Variants in ANXA13 observed in about 807,000 individuals in gnomAD.
ANXA13 encodes the protein annexin XIII.
In ANXA13, 36 loss-of-function variants were observed where a neutral mutation model predicts 46.6. The ratio of observed to expected loss-of-function variants is 0.77; its 90% CI spans 0.59 to 1.02. ANXA13 has a LOEUF of 1.02. ANXA13 is among the 50% of genes least tolerant of loss of function. The probability of loss-of-function intolerance (pLI) is 0.00; values close to 1 mark genes in which losing one functional copy is unlikely to be tolerated. For synonymous variants in ANXA13, 163 were observed against 152.9 expected, an observed-to-expected ratio of 1.07 and a Z score of -0.49; for missense variants, 417 against 396.5, an observed-to-expected ratio of 1.05 and a Z score of -0.44.
chr8:123,720,708 C>T (rs1408198650), intron 1 of ANXA13, among the ~76,000 whole-genome samples: 1 of 136,214 alleles, frequency 7.3e-6, no homozygotes, highest in Non-Finnish European at 1.6e-5. Flanking sequence ...GAGTTAAGAA[C>T]ATTTAACTTG....
chr8:123,717,790 G>C (rs1487865589), intron 1 of ANXA13, among the ~76,000 whole-genome samples: 2 of 152,154 alleles, frequency 1.3e-5, no homozygotes, highest in African/African-American at 2.4e-5. Context: ...TTTCTGACGG[G>C]GCGTGTCTCA....
At chr8:123,709,428 A>G (rs1379343041) in intron 2 of ANXA13, among the ~76,000 whole-genome samples, 1 of 136,764 alleles carries the variant, frequency 7.3e-6, no homozygotes, top group Non-Finnish European at 1.6e-5. Context: ...CTCTCTCCCT[A>G]TCTTCTTTCT....
chr8:123,716,311 C>A (rs1340488778), intron 1 of ANXA13, among the ~76,000 whole-genome samples: 1 of 152,124 alleles, frequency 6.6e-6, no homozygotes, highest in Non-Finnish European at 1.5e-5. Context: ...TCTCAAACTC[C>A]TGAGCTCAAG....
intron 8 of ANXA13, among the ~76,000 whole-genome samples, chr8:123,691,199 C>T (rs1813234459): frequency 6.6e-6 from 1 of 152,142 alleles, no homozygotes; most frequent in Non-Finnish European, 1.5e-5. Flanking sequence ...CAGGACGACT[C>T]ATGCCACATA....
chr8:123,689,967 G>A (rs1422147472), intron 8 of ANXA13, among the ~76,000 whole-genome samples: 2 of 152,216 alleles, frequency 1.3e-5, no homozygotes, highest in African/African-American at 4.8e-5. Flanking sequence ...GGGAGGAACT[G>A]TGTCCAGATT....
At chr8:123,682,879 T>A (rs1032801033) in intron 10 of ANXA13, among the ~76,000 whole-genome samples, 2 of 152,280 alleles carry the variant, frequency 1.3e-5, no homozygotes, top group African/African-American at 4.8e-5. Flanking sequence ...GATTCTGAGA[T>A]GGGACAGAGC....
At chr8:123,707,509 G>T (rs1258709003) in intron 2 of ANXA13, among the ~76,000 whole-genome samples, 1 of 152,144 alleles carries the variant, frequency 6.6e-6, no homozygotes, top group South Asian at 2.1e-4. Context: ...GGAATACTAT[G>T]CAGCCATAAA....
chr8:123,681,453 A>G (rs867128998), intron 10 of ANXA13, 94 bp from the exon 11 acceptor site: 6 of 1,292,878 alleles, frequency 4.6e-6, no homozygotes, highest in African/African-American at 3.0e-5. Flanking sequence ...TCATTTGCTC[A>G]TTCATGCCTT....
chr8:123,718,559 C>A (rs1339540469), intron 1 of ANXA13, among the ~76,000 whole-genome samples: 2 of 152,202 alleles, frequency 1.3e-5, no homozygotes, highest in Non-Finnish European at 2.9e-5. Flanking sequence ...AAAATGGAAG[C>A]AAGTGCTGTC....
intron 5 of ANXA13, 33 bp from the exon 6 acceptor site, chr8:123,695,614 C>T: frequency 6.2e-7 from 1 of 1,610,502 alleles, no homozygotes; most frequent in African/African-American, 1.3e-5. Flanking sequence ...GGGAAGAAAG[C>T]AGATGATTTA....
intron 1 of ANXA13, among the ~76,000 whole-genome samples, chr8:123,732,785 C>G (rs903076734): frequency 3.7e-4 from 56 of 152,102 alleles, no homozygotes; most frequent in African/African-American, 1.2e-3. Context: ...AGAAGGTATG[C>G]ATTGGTGCAT....
Position 123,693,075 on chromosome 8 carries a change from T to C in ANXA13, c.642+122A>G, listed in dbSNP as rs1813268810. 7.2e-6 allele frequency: 6 copies of C among 830,750 alleles called. No individual in the cohort carries two copies. In the South Asian group the frequency reaches 8.2e-5, roughly 11 times the overall value. 51.5% of individuals were successfully genotyped at this position (830,750 alleles called of 1,614,324 possible). The stretch of plus-strand genomic sequence containing the variant: ...ATATTCCCTAGGTAGGAAAATCGCC[T>C]CCAATTGAGAACCACTGTTGTAAAG... On this transcript the variant is annotated intron_variant, in intron 8 of 10. Transcript: ENST00000419625.
intron 3 of ANXA13, among the ~76,000 whole-genome samples, chr8:123,699,825 T>G (rs1813409326): frequency 6.6e-6 from 1 of 152,178 alleles, no homozygotes; most frequent in African/African-American, 2.4e-5. Flanking sequence ...ATGTACTTAA[T>G]CTCACCAACT....
chr8:123,694,183 T>C (rs1385934745), intron 6 of ANXA13, among the ~76,000 whole-genome samples: 2 of 152,182 alleles, frequency 1.3e-5, no homozygotes, highest in Non-Finnish European at 2.9e-5. Context: ...CCCTTTGTGG[T>C]GGGCAGAATT....
rs1356353320 is a variant in ANXA13, at chr8:123,690,182, T to C, written c.643-1236A>G. On this transcript the variant is annotated intron_variant, in intron 8 of 10. Transcript: ENST00000419625. This position sits in a 1 kb window ranked among gnomAD's most constrained non-coding sequence, Gnocchi z 4.6. ...GAAACAAGGTTCTTGTTCTGTAGAC[T>C]GAGATCATACTTCAAGAGAACATTT... is the stretch of plus-strand genomic sequence containing the variant. 1.3e-5 allele frequency among the ~76,000 whole-genome samples: 2 copies of C among 152,218 alleles called. No homozygotes were observed. The highest frequency in any genetic ancestry group is 4.8e-5 in the African/African-American group (2 of 41,452).
At chr8:123,733,078 G>A (rs997045028) in intron 1 of ANXA13, among the ~76,000 whole-genome samples, 8 of 152,080 alleles carry the variant, frequency 5.3e-5, no homozygotes, top group African/African-American at 1.9e-4. Context: ...TAAAAGGATT[G>A]CTTGAACCAG....
intron 1 of ANXA13, among the ~76,000 whole-genome samples, chr8:123,736,396 TGTGTA>T (rs141637696): frequency 0.063 from 9,526 of 152,224 alleles, 942 homozygotes; most frequent in African/African-American, 0.21. Context: ...ATCTGTCCTG[TGTGTA>T]GTTGGTTCCA....
chr8:123,721,334 C>A (rs1813867176), intron 1 of ANXA13, among the ~76,000 whole-genome samples: 1 of 152,162 alleles, frequency 6.6e-6, no homozygotes, highest in Admixed American at 6.5e-5. Flanking sequence ...TCTGCCTCCT[C>A]TCTCACAGAC....
intron 2 of ANXA13, among the ~76,000 whole-genome samples, chr8:123,703,781 A>C (rs1408496600): frequency 6.6e-6 from 1 of 152,184 alleles, no homozygotes. Context: ...CATGGCAGCA[A>C]TTTGATCAGT....
Sources: allele counts gnomAD v4.1 joint callset (sites outside exome capture counted in the v4.1 genomes callset), GRCh38; gene constraint gnomAD v4.1.1; non-coding constraint Gnocchi (gnomAD v3.1); transcripts MANE v1.5; gene names NCBI Gene and HGNC (gene_info 2026-07-23, HGNC 2026-07-21).